SCOC: variants seen among roughly 807,000 people sequenced by gnomAD.
SCOC encodes the protein short coiled-coil protein, also known as short coiled coil protein.
A neutral mutation model predicts 9.9 loss-of-function variants in SCOC; 7 were observed. That is an observed-to-expected ratio of 0.71 (90% CI 0.40 to 1.33). The LOEUF is 1.33. SCOC is among the 40% of genes most tolerant of loss of function. The pLI is 0.01. For missense variants in SCOC, 66 were observed against 89.7 expected, an observed-to-expected ratio of 0.74 and a Z score of 1.07; for synonymous variants, 19 against 28.2, an observed-to-expected ratio of 0.67 and a Z score of 1.03.
intron 3 of SCOC, among the ~76,000 whole-genome samples, chr4:140,380,144 A>G (rs1728508510): frequency 6.6e-6 from 1 of 150,548 alleles, no homozygotes; most frequent in South Asian, 2.1e-4. Context: ...CATTTTACAG[A>G]GTTAATAAAA....
chr4:140,338,054 A>C (rs1490436625), intron 1 of SCOC, among the ~76,000 whole-genome samples: 1 of 152,246 alleles, frequency 6.6e-6, no homozygotes, highest in Non-Finnish European at 1.5e-5. Flanking sequence ...CCTCAATAAA[A>C]TACTGCCAAA....
intron 1 of SCOC, among the ~76,000 whole-genome samples, chr4:140,288,227 A>G (rs566387617): frequency 6.6e-6 from 1 of 152,160 alleles, no homozygotes; most frequent in East Asian, 1.9e-4. Context: ...CCCCATGTAC[A>G]TGCATGTGTC....
intron 1 of SCOC, among the ~76,000 whole-genome samples, chr4:140,294,469 T>C (rs1731566032): frequency 6.6e-6 from 1 of 152,152 alleles, no homozygotes; most frequent in Admixed American, 6.5e-5. Context: ...CCCAATTCAT[T>C]GTCAGGAAAA....
intron 1 of SCOC, among the ~76,000 whole-genome samples, chr4:140,298,453 C>G (rs1487631059): frequency 6.6e-6 from 1 of 152,256 alleles, no homozygotes; most frequent in African/African-American, 2.4e-5. Flanking sequence ...TGGGCTCCAG[C>G]TGGGAAACTG....
At chr4:140,321,302 A>G (rs1732494021) in intron 1 of SCOC, among the ~76,000 whole-genome samples, 1 of 152,210 alleles carries the variant, frequency 6.6e-6, no homozygotes, top group Admixed American at 6.5e-5. Flanking sequence ...ATGGTACACA[A>G]AAAGGCAAGA....
At chr4:140,349,633 C>T (rs1436280639) in intron 2 of SCOC, among the ~76,000 whole-genome samples, 1 of 152,172 alleles carries the variant, frequency 6.6e-6, no homozygotes, top group African/African-American at 2.4e-5. Flanking sequence ...CACACAGTTA[C>T]GAAAGCTAGA....
intron 1 of SCOC, among the ~76,000 whole-genome samples, chr4:140,336,388 C>T (rs1044663755): frequency 6.6e-6 from 1 of 152,174 alleles, no homozygotes; most frequent in African/African-American, 2.4e-5. Flanking sequence ...CCATTCTCCT[C>T]TTCTCTCATC....
chr4:140,288,042 A>G (rs1212974081), intron 1 of SCOC, among the ~76,000 whole-genome samples: 1 of 152,018 alleles, frequency 6.6e-6, no homozygotes, highest in African/African-American at 2.4e-5. Context: ...CATACCACAC[A>G]CATATGCCAC....
chr4:140,299,211 T>A (rs1348335900), intron 1 of SCOC, among the ~76,000 whole-genome samples: 1 of 152,212 alleles, frequency 6.6e-6, no homozygotes, highest in Non-Finnish European at 1.5e-5. Flanking sequence ...CAATACATAA[T>A]AATCAAGCAA....
At chr4:140,330,183 T>C (rs1449172577) in intron 1 of SCOC, among the ~76,000 whole-genome samples, 1 of 152,150 alleles carries the variant, frequency 6.6e-6, no homozygotes, top group Non-Finnish European at 1.5e-5. Context: ...TTATTCTAAG[T>C]GAAGTAACTC....
chr4:140,296,915 A>G (rs1192421354), intron 1 of SCOC, among the ~76,000 whole-genome samples: 1 of 152,104 alleles, frequency 6.6e-6, no homozygotes, highest in Non-Finnish European at 1.5e-5. Context: ...TAGGTCTTAC[A>G]TTCGCTTTTA....
At chr4:140,350,135 C>G (rs1049812595) in intron 2 of SCOC, among the ~76,000 whole-genome samples, 2 of 152,182 alleles carry the variant, frequency 1.3e-5, no homozygotes, top group Non-Finnish European at 2.9e-5. Flanking sequence ...TCCTACTCAC[C>G]CTTTCAGACC....
chr4:140,295,998 G>T (rs1731626205), intron 1 of SCOC, among the ~76,000 whole-genome samples: 1 of 151,380 alleles, frequency 6.6e-6, no homozygotes, highest in Non-Finnish European at 1.5e-5. Flanking sequence ...AAAGCTGCAG[G>T]TGCCTGGGTC....
intron 2 of SCOC, among the ~76,000 whole-genome samples, chr4:140,360,298 A>G (rs1261651578): frequency 6.6e-6 from 1 of 152,232 alleles, no homozygotes; most frequent in Non-Finnish European, 1.5e-5. Context: ...CATCTCAAAG[A>G]GAATAAATAG....
intron 1 of SCOC, among the ~76,000 whole-genome samples, chr4:140,306,303 A>G (rs1731983133): frequency 6.6e-6 from 1 of 152,136 alleles, no homozygotes; most frequent in Non-Finnish European, 1.5e-5. Flanking sequence ...CCTTGATTCA[A>G]TTACCTCTCA....
chr4:140,362,841 A>T (rs1727630911), intron 2 of SCOC: 1 of 152,180 alleles, frequency 6.6e-6, no homozygotes, highest in Non-Finnish European at 1.5e-5. Flanking sequence ...GGAGGAAGAA[A>T]AACAGGAGTT....
At chr4:140,291,407 T>TTAC (rs774521147) in intron 1 of SCOC, 60 of 456,972 alleles carry the variant, frequency 1.3e-4, no homozygotes, top group African/African-American at 1.2e-3. Flanking sequence ...AGGGCATGTG[T>TTAC]CTTCCCAAGC....
intron 2 of SCOC, among the ~76,000 whole-genome samples, chr4:140,364,286 C>T (rs1296777750): frequency 1.3e-5 from 2 of 152,078 alleles, no homozygotes; most frequent in East Asian, 3.9e-4. Context: ...GAATTTAATG[C>T]TGGCAAAGGA....
intron 1 of SCOC, among the ~76,000 whole-genome samples, chr4:140,331,191 T>C (rs1732806511): frequency 6.6e-6 from 1 of 152,214 alleles, no homozygotes; most frequent in African/African-American, 2.4e-5. Flanking sequence ...TAATATAAAA[T>C]GCATTTCCAA....
Sources: gnomAD v4.1 joint callset for allele counts (sites outside exome capture counted in the v4.1 genomes callset) on GRCh38, gnomAD v4.1.1 for gene constraint, MANE v1.5 for transcripts, NCBI Gene and HGNC (gene_info 2026-07-23, HGNC 2026-07-21) for gene names.